Variants in DAB1 observed in about 807,000 individuals in gnomAD.
DAB1 encodes the protein DAB adaptor protein 1.
A neutral mutation model predicts 64.6 loss-of-function variants in DAB1; 15 were observed. The observed-to-expected ratio is 0.23, with a 90% CI of 0.16 to 0.36. The LOEUF (loss-of-function observed/expected upper bound fraction) is 0.36. Ranked by LOEUF, DAB1 falls within the 10% of genes least tolerant of loss-of-function variation. DAB1 has a pLI of 1.00. For missense variants in DAB1, 596 were observed against 706.7 expected (o/e 0.84, Z 1.78); for synonymous variants, 235 against 251.9 (o/e 0.93, Z 0.64).
chr1:57,273,330 T>A (rs1017610612), intron 2 of DAB1, among the ~76,000 whole-genome samples: 4 of 152,176 alleles, frequency 2.6e-5, no homozygotes, highest in Admixed American at 1.3e-4. Context: ...CTTCTTCATG[T>A]CTGCAAGAGG....
intron 3 of DAB1, among the ~76,000 whole-genome samples, chr1:58,370,374 C>CGTGTGTGT (rs67230027): frequency 4.8e-5 from 7 of 144,460 alleles, no homozygotes; most frequent in African/African-American, 1.8e-4. Flanking sequence ...TGAGTGTGTG[C>CGTGTGTGT]GTGTGTGTGT....
chr1:57,812,090 G>T (rs1038113971), intron 6 of DAB1, among the ~76,000 whole-genome samples: 1 of 152,018 alleles, frequency 6.6e-6, no homozygotes, highest in African/African-American at 2.4e-5. Context: ...CTTCTGAATG[G>T]CAAAGGTATC....
At chr1:57,084,188 C>T (rs989587190) in intron 4 of DAB1, among the ~76,000 whole-genome samples, 2 of 152,196 alleles carry the variant, frequency 1.3e-5, no homozygotes, top group African/African-American at 2.4e-5. Context: ...GGGTGGCCCA[C>T]TGATTCAATA....
intron 2 of DAB1, among the ~76,000 whole-genome samples, chr1:57,273,657 C>G (rs1012501083): frequency 1.5e-5 from 2 of 133,270 alleles, no homozygotes; most frequent in Admixed American, 1.7e-4. Context: ...CCTGTCTTCT[C>G]CACTCGAGTC....
In DAB1 at chr1:58,212,208, C is replaced by T. The variant is rs80311059; in HGVS notation, n.310-61620G>A. ...TGGTTCAAGTGGAAGTCTCTTACAGCAGCAGAGAAGAACAGATTGAATGCC... is the reference window on the plus strand; with the variant it reads ...TGGTTCAAGTGGAAGTCTCTTACAGTAGCAGAGAAGAACAGATTGAATGCC... On this transcript the variant is annotated intron_variant and non_coding_transcript_variant, in intron 4 of 20. Coordinates refer to the DAB1 transcript ENST00000485760. Among the ~76,000 whole-genome samples the T allele has an allele frequency of 8.8e-3, 1,338 of 152,310 alleles. 19 individuals carry two copies. Among genetic ancestry groups the T allele is most frequent in the African/African-American group, 0.031 (1,269 of 41,562 alleles).
intron 9 of DAB1, among the ~76,000 whole-genome samples, chr1:57,029,520 G>T (rs911264372): frequency 1.3e-5 from 2 of 151,880 alleles, no homozygotes; most frequent in African/African-American, 4.8e-5. Flanking sequence ...CTGATAGCTT[G>T]TACCATGAGC....
At chr1:57,552,845 G>A (rs1252854894) in intron 7 of DAB1, among the ~76,000 whole-genome samples, 1 of 152,040 alleles carries the variant, frequency 6.6e-6, no homozygotes, top group Non-Finnish European at 1.5e-5. Flanking sequence ...AATCAGAGGT[G>A]GTAAAAAGGA....
At chr1:57,998,947 T>A (rs1646468136) in intron 5 of DAB1, among the ~76,000 whole-genome samples, 2 of 152,336 alleles carry the variant, frequency 1.3e-5, no homozygotes, top group African/African-American at 4.8e-5. Flanking sequence ...TCTCCATTTA[T>A]CTTCCTGCAG....
At chr1:57,288,181 A>G (rs1343752253) in intron 2 of DAB1, among the ~76,000 whole-genome samples, 1 of 152,212 alleles carries the variant, frequency 6.6e-6, no homozygotes, top group African/African-American at 2.4e-5. Context: ...TCACAATTAT[A>G]AACAATTGCA....
intron 2 of DAB1, among the ~76,000 whole-genome samples, chr1:57,224,616 G>C (rs193056107): frequency 6.6e-6 from 1 of 152,184 alleles, no homozygotes; most frequent in Non-Finnish European, 1.5e-5. Flanking sequence ...TCTCCCTTTG[G>C]GGAAGGTCTG....
chr1:58,300,591 A>AG lies in DAB1; in HGVS notation n.309+42760dup, dbSNP rs1162764288. On this transcript the variant is annotated intron_variant and non_coding_transcript_variant, in intron 4 of 20. Transcript: ENST00000485760. ...AAGAAAGAAAGAAAGAAAGAAAGAA[A>AG]GAAAGAAAGAAAGAAAGAAAGAGAG... 3.7e-4 allele frequency among the ~76,000 whole-genome samples: 10 copies of AG among 27,208 alleles called. 1 individual carries two copies. The highest frequency in any genetic ancestry group is 9.2e-4 in the African/African-American group (9 of 9,816). The allele number at this position is 27,208 out of a possible 152,430, so 17.8% of individuals were successfully genotyped here.
At chr1:58,253,923 A>G (rs1194491941) in intron 4 of DAB1, among the ~76,000 whole-genome samples, 6 of 152,228 alleles carry the variant, frequency 3.9e-5, no homozygotes, top group Non-Finnish European at 7.3e-5. Context: ...AGCCCTTCGC[A>G]GATACCCTGA....
chr1:57,315,948 T>C (rs1213280151), intron 1 of DAB1, among the ~76,000 whole-genome samples: 2 of 152,222 alleles, frequency 1.3e-5, no homozygotes, highest in South Asian at 2.1e-4. Context: ...GTCTACAATA[T>C]GGCAAGGAAC....
intron 6 of DAB1, among the ~76,000 whole-genome samples, chr1:57,711,837 CAGAAGAA>C: frequency 6.6e-6 from 1 of 152,182 alleles, no homozygotes; most frequent in African/African-American, 2.4e-5. Flanking sequence ...TCTATGGAAA[CAGAAGAA>C]AAACAAAGGT....
intron 7 of DAB1, among the ~76,000 whole-genome samples, chr1:57,565,224 G>C (rs909272995): frequency 1.3e-5 from 2 of 152,178 alleles, no homozygotes; most frequent in Admixed American, 1.3e-4. Flanking sequence ...AGCAAATGCT[G>C]AGAGATTTTG....
At chr1:57,093,176 TG>T (rs1653849787) in intron 4 of DAB1, among the ~76,000 whole-genome samples, 4 of 152,260 alleles carry the variant, frequency 2.6e-5, no homozygotes, top group Admixed American at 2.6e-4. Flanking sequence ...TGGGTTCTGG[TG>T]GGGTTTCAGG....
At chr1:58,466,433 G>C (rs566292170) in intron 3 of DAB1, among the ~76,000 whole-genome samples, 1 of 152,134 alleles carries the variant, frequency 6.6e-6, no homozygotes, top group Non-Finnish European at 1.5e-5. Flanking sequence ...TGCTTTCTCG[G>C]AGGGCCTGAA....
intron 7 of DAB1, among the ~76,000 whole-genome samples, chr1:57,526,231 C>T (rs1036345338): frequency 6.6e-5 from 10 of 152,120 alleles, no homozygotes; most frequent in African/African-American, 1.4e-4. Context: ...CCACTGCGCC[C>T]GGCCTTAAAT....
chr1:58,195,274 G>A (rs954382686), intron 4 of DAB1, among the ~76,000 whole-genome samples: 5 of 152,156 alleles, frequency 3.3e-5, no homozygotes, highest in African/African-American at 7.2e-5. Flanking sequence ...GAGATACTTC[G>A]AGGAAGAAGG....
Sources: gnomAD v4.1 joint callset for allele counts (sites outside exome capture counted in the v4.1 genomes callset) on GRCh38, gnomAD v4.1.1 for gene constraint, MANE v1.5 for transcripts, NCBI Gene and HGNC (gene_info 2026-07-23, HGNC 2026-07-21) for gene names.